Variants in DGKG observed in about 807,000 individuals in gnomAD.
The protein encoded by DGKG is DAG kinase gamma.
Under a neutral mutation model 105.3 loss-of-function variants are expected in DGKG, and 78 were observed. The observed-to-expected ratio is 0.74, with a 90% confidence interval of 0.62 to 0.89. The LOEUF (loss-of-function observed/expected upper bound fraction) is 0.89, where lower values mean the gene tolerates loss of function less well. Among genes scored for constraint, DGKG ranks in the 40% least tolerant of loss-of-function variants. The pLI, the probability that DGKG is intolerant of heterozygous loss-of-function variation, is 0.00. For missense variants in DGKG, 958 were observed against 1,020.1 expected (o/e 0.94, Z 0.83); for synonymous variants, 346 against 367.1 (o/e 0.94, Z 0.66).
intron 2 of DGKG, among the ~76,000 whole-genome samples, chr3:186,314,076 G>A (rs549197110): frequency 6.6e-6 from 1 of 152,008 alleles, no homozygotes; most frequent in African/African-American, 2.4e-5. Context: ...TGATTCGAAA[G>A]AAATATATTT....
chr3:186,235,235 A>G (rs940479238), intron 20 of DGKG, among the ~76,000 whole-genome samples: 1 of 152,244 alleles, frequency 6.6e-6, no homozygotes, highest in Non-Finnish European at 1.5e-5. Flanking sequence ...ATTTCTTTAT[A>G]AATACCTACA....
intron 17 of DGKG, among the ~76,000 whole-genome samples, chr3:186,256,964 C>T (rs1721506068): frequency 6.6e-6 from 1 of 152,246 alleles, no homozygotes; most frequent in South Asian, 2.1e-4. Context: ...CATTGCCTGT[C>T]TCTTTCCTCT....
At chr3:186,165,156 C>G in intron 22 of DGKG, 138 bp from the exon 23 acceptor site, 2 of 853,070 alleles carry the variant, frequency 2.3e-6, no homozygotes, top group South Asian at 2.0e-5. Flanking sequence ...CATATTCACT[C>G]TGAATAGGGT....
intron 2 of DGKG, among the ~76,000 whole-genome samples, chr3:186,309,602 TAGCTC>T (rs1724419426): frequency 6.6e-6 from 1 of 152,146 alleles, no homozygotes; most frequent in Non-Finnish European, 1.5e-5. Context: ...GGGAGGTTGT[TAGCTC>T]AGCCAAAATG....
intron 21 of DGKG, among the ~76,000 whole-genome samples, chr3:186,194,968 G>A (rs1245735841): frequency 1.3e-5 from 2 of 152,104 alleles, no homozygotes; most frequent in Non-Finnish European, 2.9e-5. Flanking sequence ...AGCCGGGCGT[G>A]GTGGGGGACG....
intron 2 of DGKG, among the ~76,000 whole-genome samples, chr3:186,308,469 CA>C (rs1380917803): frequency 6.6e-6 from 1 of 152,098 alleles, no homozygotes; most frequent in African/African-American, 2.4e-5. Context: ...AAAGCTCACA[CA>C]GTGTTTTTTG....
chr3:186,289,929 G>A (rs1237232831), intron 5 of DGKG, among the ~76,000 whole-genome samples: 1 of 152,180 alleles, frequency 6.6e-6, no homozygotes, highest in Non-Finnish European at 1.5e-5. Context: ...GCAGGGCTGT[G>A]CTAGATGAAA....
At position 186,161,648 on chromosome 3, in the gene DGKG, C is replaced by T; in HGVS notation, c.2232G>A (p.Leu744=). The change falls in exon 24 of 25, where the codon CTG becomes CTA. Residue 744 remains leucine, a synonymous_variant. Transcript: ENST00000265022. ...AGGGTTCTCCATCCACTTGCATTGGCAGCAGCTTGTTTGTCCTGGAACCCA... is the reference window on the plus strand; with the variant it reads ...AGGGTTCTCCATCCACTTGCATTGGTAGCAGCTTGTTTGTCCTGGAACCCA... The part of the protein sequence containing the change: ...ASVTIRTNKL[L]PMQVDGEPWM... 9 of 1,614,194 alleles carry T rather than the reference C, an allele frequency of 5.6e-6. No individual in the cohort carries two copies. Among genetic ancestry groups the T allele is most frequent in the Non-Finnish European group, 7.6e-6 (9 of 1,180,032 alleles).
At chr3:186,351,637 C>G (rs1726634944) in intron 1 of DGKG, among the ~76,000 whole-genome samples, 1 of 152,236 alleles carries the variant, frequency 6.6e-6, no homozygotes, top group East Asian at 1.9e-4. Flanking sequence ...GTGATTCTTA[C>G]ATCTTCTTGA....
chr3:186,250,355 G>A (rs1427671935), intron 19 of DGKG, among the ~76,000 whole-genome samples: 5 of 152,044 alleles, frequency 3.3e-5, no homozygotes, highest in Admixed American at 2.6e-4. Context: ...AGAGCATCAG[G>A]AAGAAACAGC....
chr3:186,148,959 T>TTC lies in DGKG; in HGVS notation c.*1130_*1131insGA, dbSNP rs1553794932. 1.4e-5 allele frequency: 9 copies of TTC among 625,554 alleles called. No individual in the cohort carries two copies. The highest frequency in any genetic ancestry group is 4.0e-5 in the African/African-American group (2 of 50,342). The allele number at this position is 625,554 out of a possible 1,614,324, so 38.8% of individuals were successfully genotyped here. On this transcript the variant is annotated 3_prime_UTR_variant, in exon 25 of 25. Transcript: ENST00000265022. ...GAAAAGTCCATCAGTAAATAAATAT[T>TTC]TATATATATATATATATAAATATAT...
At chr3:186,205,570 T>C (rs1366810903) in intron 21 of DGKG, among the ~76,000 whole-genome samples, 1 of 151,700 alleles carries the variant, frequency 6.6e-6, no homozygotes, top group Non-Finnish European at 1.5e-5. Context: ...ATTAACTAGG[T>C]GTGGTGGCGG....
intron 1 of DGKG, among the ~76,000 whole-genome samples, chr3:186,341,146 A>C (rs182815174): frequency 6.6e-6 from 1 of 152,318 alleles, no homozygotes; most frequent in East Asian, 1.9e-4. Flanking sequence ...GGACTTGGGA[A>C]TAGGGATAAT....
chr3:186,336,603 A>G (rs779837136), intron 1 of DGKG, among the ~76,000 whole-genome samples: 1 of 152,218 alleles, frequency 6.6e-6, no homozygotes, highest in Non-Finnish European at 1.5e-5. Flanking sequence ...AGATAAGGGC[A>G]GAGATTATCA....
chr3:186,333,641 C>G lies in DGKG; in HGVS notation c.-248-12934G>C, dbSNP rs1725699755. Among the ~76,000 whole-genome samples the G allele has an allele frequency of 1.3e-5, 2 of 152,120 alleles. 1 individual carries two copies. The highest frequency in any genetic ancestry group is 4.1e-4 in the South Asian group (2 of 4,828). ...GCATAGAACAGGTAAGATTTTCCAT[C>G]ATGAAGCAAATGGACAAGAAACAAA... On this transcript the variant is annotated intron_variant, in intron 1 of 24. Coordinates refer to ENST00000265022, the MANE Select transcript of DGKG (RefSeq NM_001346.3).
At chr3:186,299,714 T>C (rs1560141586) in intron 3 of DGKG, among the ~76,000 whole-genome samples, 1 of 152,134 alleles carries the variant, frequency 6.6e-6, no homozygotes, top group Non-Finnish European at 1.5e-5. Flanking sequence ...TTTTTCCTAA[T>C]ATACAATAAC....
intron 3 of DGKG, 183 bp downstream of exon 3, chr3:186,306,718 T>G (rs752552807): frequency 7.4e-5 from 43 of 581,234 alleles, no homozygotes; most frequent in Non-Finnish European, 1.2e-4. Context: ...GACAGTGGAA[T>G]GAGTGTATGG....
At position 186,183,079 on chromosome 3, in the gene DGKG, A is replaced by C. The variant is rs542962823; in HGVS notation, c.2095+5123T>G. ...TTGCAGAGGGAGCAGAATTTCAACA[A>C]GGAGTTGTGGAGCCTTTCCTCGGAC... On this transcript the variant is annotated intron_variant, in intron 22 of 24. Coordinates refer to ENST00000265022, the MANE Select transcript of DGKG (RefSeq NM_001346.3). 4.6e-5 allele frequency among the ~76,000 whole-genome samples: 7 copies of C among 152,268 alleles called. No homozygotes were observed. The South Asian group carries it at 1.5e-3, about 32-fold the overall frequency.
chr3:186,348,432 G>T (rs2108669081), intron 1 of DGKG, among the ~76,000 whole-genome samples: 1 of 119,446 alleles, frequency 8.4e-6, no homozygotes, highest in African/African-American at 3.2e-5. Context: ...TTACTGAATA[G>T]AGAATTCTGG....
Sources: gnomAD v4.1 joint callset for allele counts (sites outside exome capture counted in the v4.1 genomes callset) on GRCh38, gnomAD v4.1.1 for gene constraint, MANE v1.5 for transcripts, NCBI Gene and HGNC (gene_info 2026-07-23, HGNC 2026-07-21) for gene names.